RICTOR: variants seen among roughly 807,000 people sequenced by gnomAD.
RICTOR encodes the protein rapamycin-insensitive companion of mTOR.
Under a neutral mutation model 214.9 loss-of-function variants are expected in RICTOR, and 49 were observed. The observed-to-expected ratio is 0.23, with a 90% CI of 0.18 to 0.29. RICTOR has a LOEUF of 0.29. Ranked by LOEUF, RICTOR falls within the 10% of genes least tolerant of loss-of-function variation. The pLI is 1.00. For synonymous variants in RICTOR, 717 were observed against 711.3 expected (o/e 1.01, Z -0.13); for missense variants, 1,625 against 2,047.0 (o/e 0.79, Z 3.98).
intron 24 of RICTOR, among the ~76,000 whole-genome samples, chr5:38,958,223 C>T (rs1362711296): frequency 6.6e-6 from 1 of 150,862 alleles, no homozygotes; most frequent in Non-Finnish European, 1.5e-5. Context: ...GATGACAAAG[C>T]GAGGCCGTCT....
chr5:39,048,809 C>A (rs1425942295), intron 2 of RICTOR, among the ~76,000 whole-genome samples: 3 of 152,096 alleles, frequency 2.0e-5, no homozygotes, highest in African/African-American at 7.2e-5. Flanking sequence ...ATTCCTAAAG[C>A]TTAAGAGCAG....
In RICTOR at chr5:39,002,651, T is replaced by C; in HGVS notation, c.276A>G (p.Leu92=). Reference sequence around the variant, plus strand: ...CTCGCACTTCTTTTGCTTCATTTAATAAAGCTAACCGCAAACTGTATGAAA... The same window carrying C: ...CTCGCACTTCTTTTGCTTCATTTAACAAAGCTAACCGCAAACTGTATGAAA... The part of the protein sequence containing the change: ...EDIIICLRLA[L]LNEAKEVRAA... Residue 92 remains leucine, a synonymous_variant, in exon 5 of 38, where the codon TTA becomes TTG. Coordinates refer to ENST00000357387, the MANE Select transcript of RICTOR (RefSeq NM_152756.5). The C allele has an allele frequency of 6.2e-7, 1 of 1,607,814 alleles. No individual in the cohort carries two copies. Among genetic ancestry groups the C allele is most frequent in the Non-Finnish European group, 8.5e-7 (1 of 1,177,936 alleles).
intron 3 of RICTOR, among the ~76,000 whole-genome samples, chr5:39,016,323 G>A (rs1246672889): frequency 6.9e-6 from 1 of 144,110 alleles, no homozygotes; most frequent in African/African-American, 2.5e-5. Context: ...AGGAGAGGGG[G>A]AACAGAGAAG....
At chr5:39,008,163 A>G (rs1455505643) in intron 3 of RICTOR, among the ~76,000 whole-genome samples, 2 of 151,998 alleles carry the variant, frequency 1.3e-5, no homozygotes, top group Non-Finnish European at 2.9e-5. Context: ...TCTGTAAGAC[A>G]TATTTCTTAA....
At chr5:39,016,527 G>A (rs536348064) in intron 3 of RICTOR, among the ~76,000 whole-genome samples, 1 of 152,076 alleles carries the variant, frequency 6.6e-6, no homozygotes, top group South Asian at 2.1e-4. Context: ...AAATACTGTG[G>A]GGGAAATTTA....
At chr5:39,071,197 T>C (rs966461964) in intron 2 of RICTOR, among the ~76,000 whole-genome samples, 2 of 152,056 alleles carry the variant, frequency 1.3e-5, no homozygotes, top group African/African-American at 2.4e-5. Context: ...TTCTATGAAA[T>C]ACAGTATCAC....
At chr5:39,012,833 A>AT (rs904902591) in intron 3 of RICTOR, among the ~76,000 whole-genome samples, 3 of 151,882 alleles carry the variant, frequency 2.0e-5, no homozygotes, top group South Asian at 2.1e-4. Context: ...CCATCCATGC[A>AT]TTTTTTTTAA....
chr5:39,064,006 T>C (rs1361948715), intron 2 of RICTOR, among the ~76,000 whole-genome samples: 2 of 152,162 alleles, frequency 1.3e-5, no homozygotes, highest in Non-Finnish European at 2.9e-5. Context: ...TCCAGGTACA[T>C]TGCTCAGTTT....
chr5:38,959,684 CAA>C (rs1749613522), intron 21 of RICTOR, 93 bp downstream of exon 21: 1 of 743,344 alleles, frequency 1.3e-6, no homozygotes, highest in Non-Finnish European at 2.2e-6. Flanking sequence ...AAAACTTAAC[CAA>C]ACACATGTAC....
At position 38,938,093 on chromosome 5, in the gene RICTOR, T is replaced by C; in HGVS notation, c.*4211A>G. 1 of 207,700 alleles carries C rather than the reference T, an allele frequency of 4.8e-6. No homozygotes were observed. Among genetic ancestry groups the C allele is most frequent in the Admixed American group, 5.9e-5 (1 of 16,876 alleles). 12.9% of individuals were successfully genotyped at this position (207,700 alleles called of 1,614,324 possible). On this transcript the variant is annotated 3_prime_UTR_variant, in exon 38 of 38. Coordinates refer to ENST00000357387, the MANE Select transcript of RICTOR (RefSeq NM_152756.5). ...TTGGGGACAAATCTTATTTAAATTA[T>C]ACACAACTCAATGAAATATTCTTAC...
intron 2 of RICTOR, among the ~76,000 whole-genome samples, chr5:39,055,366 T>A (rs1017762063): frequency 2.6e-5 from 4 of 151,444 alleles, no homozygotes; most frequent in Admixed American, 2.6e-4. Context: ...ACATGGTGCC[T>A]CCTCGGTATC....
intron 3 of RICTOR, among the ~76,000 whole-genome samples, chr5:39,018,417 T>C (rs1197452418): frequency 6.6e-6 from 1 of 152,186 alleles, no homozygotes; most frequent in African/African-American, 2.4e-5. Context: ...GCTTCACAGA[T>C]ACTCTGTTTT....
intron 7 of RICTOR, among the ~76,000 whole-genome samples, chr5:38,985,162 T>C (rs761283784): frequency 6.6e-6 from 1 of 152,188 alleles, no homozygotes; most frequent in Non-Finnish European, 1.5e-5. Context: ...GCCATCACTC[T>C]GTATCCACAG....
intron 16 of RICTOR, among the ~76,000 whole-genome samples, chr5:38,964,205 T>C (rs545675887): frequency 1.3e-5 from 2 of 152,008 alleles, no homozygotes; most frequent in Non-Finnish European, 2.9e-5. Context: ...AAGTTCCTTC[T>C]AGCACTTCCC....
At chr5:39,009,126 T>C (rs1024466926) in intron 3 of RICTOR, among the ~76,000 whole-genome samples, 14 of 152,124 alleles carry the variant, frequency 9.2e-5, no homozygotes, top group African/African-American at 2.2e-4. Flanking sequence ...TCTACAAATA[T>C]ACAAAGTCTT....
chr5:39,016,819 A>G (rs10472314), intron 3 of RICTOR, among the ~76,000 whole-genome samples: 94,793 of 151,946 alleles, frequency 0.62, 29,653 homozygotes, highest in African/African-American at 0.66. Flanking sequence ...CTGGAAATGT[A>G]GTTAGTCTTA....
chr5:38,968,976 T>G (rs1395463045), intron 11 of RICTOR, among the ~76,000 whole-genome samples: 1 of 144,426 alleles, frequency 6.9e-6, no homozygotes, highest in East Asian at 2.0e-4. Flanking sequence ...TTTTTTTTTT[T>G]TTTTTTTTTT....
At chr5:39,007,396 C>T (rs1754166144) in intron 3 of RICTOR, among the ~76,000 whole-genome samples, 1 of 152,110 alleles carries the variant, frequency 6.6e-6, no homozygotes, top group African/African-American at 2.4e-5. Context: ...GGCCCACCCA[C>T]CCATATGACC....
intron 2 of RICTOR, among the ~76,000 whole-genome samples, chr5:39,049,702 G>A (rs907386537): frequency 6.6e-5 from 10 of 151,028 alleles, no homozygotes; most frequent in South Asian, 4.2e-4. Context: ...GGGAGGGAGC[G>A]CAGTCCAGGT....
Sources: allele counts gnomAD v4.1 joint callset (sites outside exome capture counted in the v4.1 genomes callset), GRCh38; gene constraint gnomAD v4.1.1; transcripts MANE v1.5; gene names NCBI Gene and HGNC (gene_info 2026-07-23, HGNC 2026-07-21).